SEPTIN2: variants seen among roughly 807,000 people sequenced by gnomAD.
The protein encoded by SEPTIN2 is septin 2, also known as septin-2.
SEPTIN2 carries 34 observed loss-of-function variants against 46.5 expected under a neutral mutation model. The observed-to-expected ratio is 0.73, with a 90% confidence interval of 0.56 to 0.97. The LOEUF (loss-of-function observed/expected upper bound fraction) is 0.97, where lower values mean the gene tolerates loss of function less well. SEPTIN2 is among the 50% of genes least tolerant of loss of function. The pLI is 0.00. For synonymous variants in SEPTIN2, 175 were observed against 153.4 expected, an observed-to-expected ratio of 1.14 and a Z score of -1.04; for missense variants, 347 against 448.4, an observed-to-expected ratio of 0.77 and a Z score of 2.04.
intron 1 of SEPTIN2, 188 bp downstream of exon 1, chr2:241,316,170 G>T (rs1033007903): frequency 7.9e-6 from 2 of 253,476 alleles, no homozygotes; most frequent in Middle Eastern, 1.1e-3. Context: ...CCCCCGTCCC[G>T]GGCGGTCCTA....
At chr2:241,330,960 A>G (rs2078890825) in intron 3 of SEPTIN2, among the ~76,000 whole-genome samples, 1 of 152,234 alleles carries the variant, frequency 6.6e-6, no homozygotes, top group African/African-American at 2.4e-5. Flanking sequence ...ACCTGAGGTC[A>G]GGAGTTTAAG....
At position 241,352,450 on chromosome 2, in the gene SEPTIN2, T is replaced by C. The variant is rs2060860553; in HGVS notation, c.*513T>C. 1 of 152,710 alleles carries C rather than the reference T, an allele frequency of 6.5e-6. No homozygotes were observed. Among genetic ancestry groups the C allele is most frequent in the African/African-American group, 2.4e-5 (1 of 41,478 alleles). The allele number at this position is 152,710 out of a possible 1,614,324, so 9.5% of individuals were successfully genotyped here. On this transcript the variant is annotated 3_prime_UTR_variant, in exon 13 of 13. Coordinates refer to ENST00000391971, the MANE Select transcript of SEPTIN2 (RefSeq NM_004404.5). The stretch of plus-strand genomic sequence containing the variant: ...GGAGATCTTTGCTTCCTTGCTTTTA[T>C]GTTTGTACACAACACCTAAAACCAG...
chr2:241,335,548 T>C, intron 4 of SEPTIN2: 1 of 628,922 alleles, frequency 1.6e-6, no homozygotes, highest in Non-Finnish European at 2.8e-6. Flanking sequence ...CTAGGATAGA[T>C]GTTCGAATTC....
chr2:241,343,890 A>G lies in SEPTIN2; in HGVS notation c.835A>G (p.Met279Val). 1 of 1,614,148 alleles carries G rather than the reference A, an allele frequency of 6.2e-7. No homozygotes were observed. Among genetic ancestry groups the G allele is most frequent in the African/African-American group, 1.3e-5 (1 of 75,052 alleles). ...EHNDFLKLRT[M>V]LITHMQDLQE... The stretch of plus-strand genomic sequence containing the variant: ...CAATGACTTTCTGAAGCTGAGAACC[A>G]TGCTCATGTAAGACATTTGGTGTGT... Residue 279 changes from methionine (M) to valine (V), a missense_variant, in exon 9 of 13, where the codon ATG becomes GTG. Transcript: ENST00000391971.
At chr2:241,350,740 C>T (rs2060715092) in intron 12 of SEPTIN2, among the ~76,000 whole-genome samples, 1 of 152,082 alleles carries the variant, frequency 6.6e-6, no homozygotes, top group Non-Finnish European at 1.5e-5. Context: ...GTGAATAGAT[C>T]TGTCTGGCAT....
At chr2:241,333,258 T>C (rs2079315614) in intron 3 of SEPTIN2, among the ~76,000 whole-genome samples, 1 of 152,200 alleles carries the variant, frequency 6.6e-6, no homozygotes, top group Non-Finnish European at 1.5e-5. Context: ...CTAACACACC[T>C]AATTAGTAAA....
chr2:241,335,452 A>G lies in SEPTIN2; in HGVS notation c.217+240A>G, dbSNP rs1010334202. On this transcript the variant is annotated intron_variant, in intron 4 of 12. Coordinates refer to ENST00000391971, the MANE Select transcript of SEPTIN2 (RefSeq NM_004404.5). ...CTTGAGTTTGTCTGTAAAATGTAATAAGTAGTTTCTGCCTATATTAAATAT... is the reference window on the plus strand; with the variant it reads ...CTTGAGTTTGTCTGTAAAATGTAATGAGTAGTTTCTGCCTATATTAAATAT... 33 of 1,062,924 alleles carry G rather than the reference A, an allele frequency of 3.1e-5. No homozygotes were observed. The African/African-American group carries it at 4.6e-4, about 15-fold the overall frequency. The allele number at this position is 1,062,924 out of a possible 1,614,324, so 65.8% of individuals were successfully genotyped here. A position where few individuals can be genotyped will look rare whatever the true frequency, so the allele number is the denominator to read the frequency against.
At chr2:241,346,591 T>TAA in intron 10 of SEPTIN2, 1 of 152,374 alleles carries the variant, frequency 6.6e-6, no homozygotes, top group Non-Finnish European at 1.4e-5. Flanking sequence ...CTACAAAAAT[T>TAA]TAAAAAAAAA....
At chr2:241,335,454 G>A in intron 4 of SEPTIN2, 1 of 1,037,046 alleles carries the variant, frequency 9.6e-7, no homozygotes, top group Non-Finnish European at 1.5e-6. Context: ...AATGTAATAA[G>A]TAGTTTCTGC....
Position 241,317,533 on chromosome 2 carries a change from GT to G in SEPTIN2, c.-18+1552del, listed in dbSNP as rs1034120884. ...ACTGCTGTAAAAGAAGAAGTTGTGG[GT>G]ATTTTTTTTTTTTTTTTTGTCTGGA... On this transcript the variant is annotated intron_variant, in intron 1 of 12. Coordinates refer to ENST00000391971, the MANE Select transcript of SEPTIN2 (RefSeq NM_004404.5). The G allele has an allele frequency of 3.1e-6, 3 of 962,988 alleles. No individual in the cohort carries two copies. In the African/African-American group the frequency reaches 5.3e-5, roughly 17 times the overall value. The allele number at this position is 962,988 out of a possible 1,614,324, so 59.7% of individuals were successfully genotyped here.
In SEPTIN2 at chr2:241,352,585, T is replaced by G. The variant is rs2150248988; in HGVS notation, c.*648T>G. 6.5e-6 allele frequency: 1 copy of G among 152,734 alleles called. No homozygotes were observed. The highest frequency in any genetic ancestry group is 2.1e-4 in the South Asian group (1 of 4,832). 9.5% of individuals were successfully genotyped at this position (152,734 alleles called of 1,614,324 possible). On this transcript the variant is annotated 3_prime_UTR_variant, in exon 13 of 13. Coordinates refer to ENST00000391971, the MANE Select transcript of SEPTIN2 (RefSeq NM_004404.5). The stretch of plus-strand genomic sequence containing the variant: ...ATATATCTTTATACTTAAACAGCTT[T>G]TTTAGAGGTGAGTTTTAAAGAAGTC...
At chr2:241,318,464 A>G (rs1197895896) in intron 1 of SEPTIN2, 1 of 152,232 alleles carries the variant, frequency 6.6e-6, no homozygotes, top group African/African-American at 2.4e-5. Flanking sequence ...CCAGTTAGAA[A>G]TGGACTAAAT....
At position 241,352,393 on chromosome 2, in the gene SEPTIN2, C is replaced by T. The variant is rs2060857296; in HGVS notation, c.*456C>T. The T allele has an allele frequency of 6.6e-6, 1 of 152,588 alleles. No homozygotes were observed. Among genetic ancestry groups the T allele is most frequent in the Non-Finnish European group, 1.5e-5 (1 of 68,032 alleles). 9.5% of individuals were successfully genotyped at this position (152,588 alleles called of 1,614,324 possible). On this transcript the variant is annotated 3_prime_UTR_variant, in exon 13 of 13. Coordinates refer to ENST00000391971, the MANE Select transcript of SEPTIN2 (RefSeq NM_004404.5). ...TGTAGAAAGATACACTGACTTGGTGCAAGGCCATCTGCTTACCACATCACA... is the reference window on the plus strand; with the variant it reads ...TGTAGAAAGATACACTGACTTGGTGTAAGGCCATCTGCTTACCACATCACA...
intron 7 of SEPTIN2, among the ~76,000 whole-genome samples, chr2:241,337,993 C>G (rs1272502339): frequency 6.6e-6 from 1 of 152,160 alleles, no homozygotes; most frequent in African/African-American, 2.4e-5. Flanking sequence ...TATCAAATTT[C>G]TATTCTTTAA....
chr2:241,338,233 G>A (rs922034167), intron 7 of SEPTIN2, among the ~76,000 whole-genome samples: 2 of 152,086 alleles, frequency 1.3e-5, no homozygotes, highest in South Asian at 2.1e-4. Flanking sequence ...CCTCTCACCC[G>A]CCAGCAGCTC....
chr2:241,330,484 T>A (rs543811586), intron 3 of SEPTIN2, among the ~76,000 whole-genome samples: 3 of 152,306 alleles, frequency 2.0e-5, no homozygotes, highest in Admixed American at 2.0e-4. Flanking sequence ...TGGAAAGTCA[T>A]AACACTACGT....
chr2:241,342,410 T>G (rs2081370099), intron 7 of SEPTIN2, among the ~76,000 whole-genome samples: 1 of 152,096 alleles, frequency 6.6e-6, no homozygotes, highest in Non-Finnish European at 1.5e-5. Flanking sequence ...GTGCTGGGGC[T>G]ATCGTTAGTC....
At chr2:241,328,241 C>G (rs2078327829) in intron 3 of SEPTIN2, among the ~76,000 whole-genome samples, 1 of 152,024 alleles carries the variant, frequency 6.6e-6, no homozygotes, top group African/African-American at 2.4e-5. Context: ...TTGAGACCAG[C>G]CTGGCCAACA....
chr2:241,344,537 A>T (rs995741986), intron 9 of SEPTIN2, among the ~76,000 whole-genome samples: 1 of 151,676 alleles, frequency 6.6e-6, no homozygotes, highest in Non-Finnish European at 1.5e-5. Flanking sequence ...TCTGTACTTA[A>T]AGTGCAAAAA....
Sources: gnomAD v4.1 joint callset for allele counts (sites outside exome capture counted in the v4.1 genomes callset) on GRCh38, gnomAD v4.1.1 for gene constraint, MANE v1.5 for transcripts, NCBI Gene and HGNC (gene_info 2026-07-23, HGNC 2026-07-21) for gene names.